The following NFATC2 variants were observed in gnomAD, a reference collection of about 807,000 sequenced individuals.
The protein encoded by NFATC2 is nuclear factor of activated T cells 2, also known as nuclear factor of activated T-cells, cytoplasmic 2.
Under a neutral mutation model 87.3 loss-of-function variants are expected in NFATC2, and 22 were observed. The ratio of observed to expected loss-of-function variants is 0.25; its 90% CI spans 0.18 to 0.36. The LOEUF is 0.36. Among genes scored for constraint, NFATC2 ranks in the 10% least tolerant of loss-of-function variants. The pLI is 1.00. For missense variants in NFATC2, 1,149 were observed against 1,259.1 expected (o/e 0.91, Z 1.32); for synonymous variants, 565 against 542.2 (o/e 1.04, Z -0.58).
rs1600821551 is a variant in NFATC2, at chr20:51,475,476, T to C, written c.1517A>G (p.Lys506Arg). The part of the protein sequence containing the change: ...TKVLEIPLEP[K>R]NNMRATIDCA... Reference sequence around the variant, plus strand: ...CCCTTACGTTGCCCTCATGTTGTTTTTGGGCTCCAAGGGTATCTCCAGGAC... The same window carrying C: ...CCCTTACGTTGCCCTCATGTTGTTTCTGGGCTCCAAGGGTATCTCCAGGAC... Residue 506 changes from lysine to arginine, a missense_variant, in exon 4 of 11, where the codon AAA (lysine) becomes AGA (arginine). Coordinates refer to ENST00000371564, the MANE Select transcript of NFATC2 (RefSeq NM_012340.5). 6.2e-7 allele frequency: 1 copy of C among 1,613,896 alleles called. No homozygotes were observed. Among genetic ancestry groups the C allele is most frequent in the Non-Finnish European group, 8.5e-7 (1 of 1,180,024 alleles).
chr20:51,557,334 C>T lies in NFATC2; in HGVS notation c.70+5226G>A, dbSNP rs2076987281. ...GGGGTGTGGGTTTGAATCCAGACTC[C>T]ACCACTCGCTAGGGCTGCGACCCTG... On this transcript the variant is annotated intron_variant, in intron 1 of 10. Coordinates refer to the NFATC2 transcript ENST00000414705. Among the ~76,000 whole-genome samples, 3 of 152,128 alleles carry T rather than the reference C, an allele frequency of 2.0e-5. No individual in the cohort carries two copies. In the South Asian group the frequency reaches 6.2e-4, roughly 31 times the overall value.
At chr20:51,560,239 T>A (rs1178630051) in intron 1 of NFATC2, among the ~76,000 whole-genome samples, 1 of 152,164 alleles carries the variant, frequency 6.6e-6, no homozygotes, top group African/African-American at 2.4e-5. Context: ...TTGGCTCCAT[T>A]TTACAGATGA....
At chr20:51,546,319 A>G (rs1364982663), upstream of NFATC2, among the ~76,000 whole-genome samples, 1 of 152,168 alleles carries the variant, frequency 6.6e-6, no homozygotes, top group African/African-American at 2.4e-5. Context: ...GGGGAGTAAA[A>G]GGGTCTTCTT....
At chr20:51,553,964 C>T (rs2076956429) in intron 1 of NFATC2, among the ~76,000 whole-genome samples, 1 of 152,110 alleles carries the variant, frequency 6.6e-6, no homozygotes, top group African/African-American at 2.4e-5. Context: ...CCCTGTATGC[C>T]CCAAGATCAT....
intron 5 of NFATC2, among the ~76,000 whole-genome samples, chr20:51,460,484 G>A (rs1987022493): frequency 6.6e-6 from 1 of 152,168 alleles, no homozygotes; most frequent in Non-Finnish European, 1.5e-5. Context: ...ACTAAAAGCT[G>A]TAGCTTCTGA....
intron 1 of NFATC2, among the ~76,000 whole-genome samples, chr20:51,537,690 G>C (rs900875910): frequency 6.6e-6 from 1 of 152,192 alleles, no homozygotes; most frequent in African/African-American, 2.4e-5. Flanking sequence ...TCACAAGCAT[G>C]CATAAGGGAA....
chr20:51,505,681 T>C (rs530078165), intron 3 of NFATC2, among the ~76,000 whole-genome samples: 2 of 152,164 alleles, frequency 1.3e-5, no homozygotes, highest in Non-Finnish European at 2.9e-5. Context: ...ACATCCCAGA[T>C]GCTTGGCCTT....
chr20:51,522,995 C>G lies in NFATC2; in HGVS notation c.1160+86G>C, dbSNP rs974574507. 3 of 1,555,402 alleles carry G rather than the reference C, an allele frequency of 1.9e-6. No individual in the cohort carries two copies. The African/African-American group carries it at 4.1e-5, about 21-fold the overall frequency. On this transcript the variant is annotated intron_variant, in intron 2 of 10. Transcript: ENST00000371564. Reference sequence around the variant, plus strand: ...AAATCCATTTAAAGTCAGTCTTAAACCTGACTCTGAATCCCATGCTCATAA... The same window carrying G: ...AAATCCATTTAAAGTCAGTCTTAAAGCTGACTCTGAATCCCATGCTCATAA...
rs778698605 is a variant in NFATC2 at position 51,523,998 on chromosome 20, C to T, written c.243G>A (p.Glu81=). ...CCGGCTCTCCGAATCGGCCGGGGGG[C>T]TCGCCAGAGAGACTAGCAAGGGGGC... ...PYSPLASLSG[E]PPGRFGEPDR... is the part of the protein sequence containing the mutation. The change falls in exon 2 of 11, where the codon GAG becomes GAA. Residue 81 remains glutamate, a synonymous_variant. Coordinates refer to ENST00000371564, the MANE Select transcript of NFATC2 (RefSeq NM_012340.5). This position sits in a 1 kb window ranked among gnomAD's most constrained non-coding sequence, Gnocchi z 6.9. The T allele has an allele frequency of 5.7e-6, 9 of 1,568,044 alleles. No homozygotes were observed. Among genetic ancestry groups the T allele is most frequent in the Non-Finnish European group, 7.7e-6 (9 of 1,162,564 alleles).
At chr20:51,542,749 CGGGGGGGGGGGG>C, upstream of NFATC2, 1 of 3,890 alleles carries the variant, frequency 2.6e-4, no homozygotes, top group Non-Finnish European at 4.5e-4. Flanking sequence ...CCCGGGGAGG[CGGGGGGGGGGGG>C]GGCGTGGAGG....
At chr20:51,532,421 A>C (rs2076648913) in intron 1 of NFATC2, among the ~76,000 whole-genome samples, 1 of 152,122 alleles carries the variant, frequency 6.6e-6, no homozygotes, top group Non-Finnish European at 1.5e-5. Flanking sequence ...TCCCCCCCGG[A>C]AAAGAAATCA....
rs932127432 is a variant in NFATC2 at position 51,442,716 on chromosome 20, T to C, written c.1850-6955A>G. Among the ~76,000 whole-genome samples, 75 of 151,918 alleles carry C rather than the reference T, an allele frequency of 4.9e-4. 1 individual carries two copies. In the East Asian group the frequency reaches 0.011, roughly 22 times the overall value. ...TTTTTAAATAAAGTTTGTTTTTTTT[T>C]TTTTTCTTAAGAAAAAGGCACATTG... On this transcript the variant is annotated intron_variant, in intron 6 of 10. Coordinates refer to ENST00000371564, the MANE Select transcript of NFATC2 (RefSeq NM_012340.5).
intron 10 of NFATC2, among the ~76,000 whole-genome samples, chr20:51,396,192 G>C (rs1987111566): frequency 6.6e-6 from 1 of 151,298 alleles, no homozygotes. Flanking sequence ...ATTTCTAAAA[G>C]CTAAAACTGA....
intron 3 of NFATC2, among the ~76,000 whole-genome samples, chr20:51,488,421 G>A (rs1300239292): frequency 6.6e-6 from 1 of 152,160 alleles, no homozygotes; most frequent in Non-Finnish European, 1.5e-5. Context: ...GGCTGCCCCA[G>A]GCATTGTAGG....
chr20:51,465,362 A>G (rs2146476563), intron 5 of NFATC2, among the ~76,000 whole-genome samples: 1 of 152,326 alleles, frequency 6.6e-6, no homozygotes, highest in Admixed American at 6.5e-5. Context: ...CCTGGGTGAC[A>G]GAGTGAGAAT....
intron 1 of NFATC2, among the ~76,000 whole-genome samples, chr20:51,551,838 T>C (rs2143716): frequency 0.092 from 13,878 of 151,398 alleles, 952 homozygotes; most frequent in East Asian, 0.38. Flanking sequence ...CCATCCTGGC[T>C]AACATGGTGA....
chr20:51,476,068 G>A (rs1431930300), intron 3 of NFATC2, among the ~76,000 whole-genome samples: 1 of 129,966 alleles, frequency 7.7e-6, no homozygotes, highest in Non-Finnish European at 1.6e-5. Flanking sequence ...AGAAAGAACT[G>A]TCACTTCTTT....
Position 51,387,401 on chromosome 20 carries a change from A to G in NFATC2, c.*4095T>C, listed in dbSNP as rs1164569270. 6.6e-6 allele frequency: 1 copy of G among 152,216 alleles called. No individual in the cohort carries two copies. The highest frequency in any genetic ancestry group is 1.5e-5 in the Non-Finnish European group (1 of 68,038). 9.4% of individuals were successfully genotyped at this position (152,216 alleles called of 1,614,324 possible). On this transcript the variant is annotated 3_prime_UTR_variant, in exon 11 of 11. Transcript: ENST00000371564. ...TCAGCCAACAGCTGCATAAAGGTAG[A>G]ATGTTAATAACCCTTTCACTTCCAG... is the stretch of plus-strand genomic sequence containing the variant.
In NFATC2 at chr20:51,467,334, A is replaced by G. The variant is rs554737221; in HGVS notation, c.1708+6646T>C. Among the ~76,000 whole-genome samples the G allele has an allele frequency of 1.4e-3, 213 of 152,166 alleles. 1 individual carries two copies. The highest frequency in any genetic ancestry group is 5.0e-3 in the African/African-American group (208 of 41,532). On this transcript the variant is annotated intron_variant, in intron 5 of 10. Transcript: ENST00000371564. ...CAGTTTGGGAGGTGGAGGCAGGTGG[A>G]TCACCTGAGGTCAGGAGTTCGAGAC...
Sources: gnomAD v4.1 joint callset for allele counts (sites outside exome capture counted in the v4.1 genomes callset) on GRCh38, gnomAD v4.1.1 for gene constraint, Gnocchi (gnomAD v3.1) non-coding constraint, MANE v1.5 for transcripts, NCBI Gene and HGNC (gene_info 2026-07-23, HGNC 2026-07-21) for gene names.